The following CSTA variants were observed in gnomAD, a reference collection of about 807,000 sequenced individuals.
CSTA encodes cystatin A, also known as cystatin-A.
A neutral mutation model predicts 9.2 loss-of-function variants in CSTA; 9 were observed. The observed-to-expected ratio is 0.97, with a 90% CI of 0.59 to 1.70. The LOEUF is 1.70. Among genes scored for constraint, CSTA ranks in the 40% most tolerant of loss-of-function variants. The pLI is 0.00. For synonymous variants in CSTA, 36 were observed against 40.6 expected, an observed-to-expected ratio of 0.89 and a Z score of 0.43; for missense variants, 118 against 113.1, an observed-to-expected ratio of 1.04 and a Z score of -0.20.
chr3:122,327,235 CAA>C (rs1438689072), intron 1 of CSTA, among the ~76,000 whole-genome samples: 2 of 126,250 alleles, frequency 1.6e-5, no homozygotes. Context: ...GACTCTGTCT[CAA>C]AAAAAAAAAG....
chr3:122,326,193 GGTTTT>G lies in CSTA; in HGVS notation c.66+851_66+855del, dbSNP rs564541036. On this transcript the variant is annotated intron_variant, in intron 1 of 2. Transcript: ENST00000264474. ...GCCACCACGCCTGGCTGATTTGGGG[GGTTTT>G]GTTTTGTTTTGTTTTTAGAGATGGC... 1.1e-3 allele frequency among the ~76,000 whole-genome samples: 168 copies of G among 151,984 alleles called. 1 individual carries two copies. The South Asian group carries it at 0.012, about 11-fold the overall frequency.
At chr3:122,333,947 C>G (rs979039637) in intron 1 of CSTA, among the ~76,000 whole-genome samples, 11 of 152,044 alleles carry the variant, frequency 7.2e-5, no homozygotes, top group Admixed American at 2.0e-4. Flanking sequence ...TAAATGGATA[C>G]TTTGGGGGTT....
chr3:122,336,396 G>C (rs2075237752), intron 1 of CSTA, among the ~76,000 whole-genome samples: 1 of 152,030 alleles, frequency 6.6e-6, no homozygotes, highest in Non-Finnish European at 1.5e-5. Context: ...CCAAATCTAG[G>C]GCATTTGAGT....
At chr3:122,341,334 G>A (rs1040829914) in intron 2 of CSTA, 105 bp from the exon 3 acceptor site, 1 of 1,218,722 alleles carries the variant, frequency 8.2e-7, no homozygotes, top group Non-Finnish European at 1.2e-6. Context: ...CTGTTCCTCA[G>A]CAGCTTTTTG....
chr3:122,332,973 T>G (rs1359927354), intron 1 of CSTA, among the ~76,000 whole-genome samples: 1 of 152,108 alleles, frequency 6.6e-6, no homozygotes, highest in Non-Finnish European at 1.5e-5. Flanking sequence ...ATCTCATCAC[T>G]CAGGTCCATG....
chr3:122,339,092 A>T (rs2075250914), intron 2 of CSTA, among the ~76,000 whole-genome samples: 1 of 151,966 alleles, frequency 6.6e-6, no homozygotes, highest in African/African-American at 2.4e-5. Flanking sequence ...CAGTGATGTG[A>T]CCTTCTCTAT....
chr3:122,336,928 T>C (rs774312570), intron 1 of CSTA, among the ~76,000 whole-genome samples: 1 of 152,024 alleles, frequency 6.6e-6, no homozygotes, highest in East Asian at 1.9e-4. Flanking sequence ...ATCAAGGCCA[T>C]GAACAAAAAG....
At chr3:122,341,324 C>A in intron 2 of CSTA, 115 bp from the exon 3 acceptor site, 1 of 1,063,818 alleles carries the variant, frequency 9.4e-7, no homozygotes, top group Non-Finnish European at 1.4e-6. Context: ...TCTAGCAATG[C>A]TGTTCCTCAG....
chr3:122,338,582 G>A (rs1452353617), intron 2 of CSTA, among the ~76,000 whole-genome samples: 2 of 151,468 alleles, frequency 1.3e-5, no homozygotes, highest in African/African-American at 2.4e-5. Flanking sequence ...TATGTACACA[G>A]ATCAGCCCTG....
chr3:122,332,671 A>AG lies in CSTA; in HGVS notation c.67-4874dup, dbSNP rs2075211189. Among the ~76,000 whole-genome samples, 3 of 152,198 alleles carry AG rather than the reference A, an allele frequency of 2.0e-5. No individual in the cohort carries two copies. In the South Asian group the frequency reaches 6.2e-4, roughly 32 times the overall value. On this transcript the variant is annotated intron_variant, in intron 1 of 2. Transcript: ENST00000264474. ...AACTCTGGGTTAAATGCATTATACC[A>AG]GGTGCTTCTCCCTGGTAGCCTCCTC... is the stretch of plus-strand genomic sequence containing the variant.
At position 122,328,975 on chromosome 3, in the gene CSTA, A is replaced by ATT. The variant is rs200855788; in HGVS notation, c.66+3626_66+3627dup. Among the ~76,000 whole-genome samples the ATT allele has an allele frequency of 1.0e-4, 15 of 146,314 alleles. No individual in the cohort carries two copies. The East Asian group carries it at 1.3e-3, about 12-fold the overall frequency. Reference sequence around the variant, plus strand: ...AAAAAAATTAAAAATTTAAAATTTAATTTTTTTTTTGACGGAATCTCGCTC... The same window carrying ATT: ...AAAAAAATTAAAAATTTAAAATTTAATTTTTTTTTTTTGACGGAATCTCGCTC... On this transcript the variant is annotated intron_variant, in intron 1 of 2. Transcript: ENST00000264474.
chr3:122,333,591 G>GAAAGAAAGAAAGA (rs1476620388), intron 1 of CSTA, among the ~76,000 whole-genome samples: 3 of 111,278 alleles, frequency 2.7e-5, no homozygotes, highest in Middle Eastern at 5.1e-3. Flanking sequence ...AAGAAAGAAA[G>GAAAGAAAGAAAGA]AAGAAAGAGA....
At chr3:122,333,487 G>A (rs1414866511) in intron 1 of CSTA, among the ~76,000 whole-genome samples, 1 of 148,418 alleles carries the variant, frequency 6.7e-6, no homozygotes, top group Non-Finnish European at 1.5e-5. Flanking sequence ...CTCCAGCCTA[G>A]GTGACAGAGC....
At position 122,341,510 on chromosome 3, in the gene CSTA, G is replaced by C. The variant is rs779978441; in HGVS notation, c.240G>C (p.Leu80Phe). ...FKSLPGQNED[L>F]VLTGYQVDKN... ...GTCTTCCCGGACAAAATGAGGACTT[G>C]GTACTTACTGGATACCAGGTTGACA... The change falls in exon 3 of 3, where the codon TTG (leucine) becomes TTC (phenylalanine). Residue 80 changes from leucine (L) to phenylalanine (F), a missense_variant. Physicochemically the swap from Leu to Phe is conservative, Grantham distance 22. Coordinates refer to ENST00000264474, the MANE Select transcript of CSTA (RefSeq NM_005213.4). 6.2e-7 allele frequency: 1 copy of C among 1,614,066 alleles called. No homozygotes were observed. The highest frequency in any genetic ancestry group is 8.5e-7 in the Non-Finnish European group (1 of 1,179,952).
intron 1 of CSTA, among the ~76,000 whole-genome samples, chr3:122,331,772 G>A (rs1015160335): frequency 2.6e-5 from 4 of 152,120 alleles, no homozygotes; most frequent in Non-Finnish European, 5.9e-5. Flanking sequence ...TCTCTCTTCA[G>A]TTGTTCATTG....
At chr3:122,331,949 T>C (rs2075207000) in intron 1 of CSTA, among the ~76,000 whole-genome samples, 1 of 152,204 alleles carries the variant, frequency 6.6e-6, no homozygotes, top group Admixed American at 6.5e-5. Context: ...TCAGGCATTA[T>C]TTTCTCATAA....
chr3:122,333,540 G>GAAAAAGAAAGAAAGAAAGAAAGA (rs1274127478), intron 1 of CSTA, among the ~76,000 whole-genome samples: 2 of 112,078 alleles, frequency 1.8e-5, no homozygotes, highest in Non-Finnish European at 3.5e-5. Flanking sequence ...AGAAAAGAAA[G>GAAAAAGAAAGAAAGAAAGAAAGA]AAGAAAGAAA....
intron 2 of CSTA, 101 bp from the exon 3 acceptor site, chr3:122,341,337 GC>G: frequency 1.6e-6 from 2 of 1,282,950 alleles, no homozygotes; most frequent in South Asian, 1.2e-5. Context: ...TTCCTCAGCA[GC>G]TTTTTGGACA....
chr3:122,341,269 G>C (rs1021660637), intron 2 of CSTA, among the ~76,000 whole-genome samples, 170 bp from the exon 3 acceptor site: 1 of 152,230 alleles, frequency 6.6e-6, no homozygotes, highest in East Asian at 1.9e-4. Context: ...CTAAAATAAG[G>C]TGGTGGATTT....
Sources: gnomAD v4.1 joint callset for allele counts (sites outside exome capture counted in the v4.1 genomes callset) on GRCh38, gnomAD v4.1.1 for gene constraint, MANE v1.5 for transcripts, NCBI Gene and HGNC (gene_info 2026-07-23, HGNC 2026-07-21) for gene names.